The following GDA variants were observed in gnomAD, a reference collection of about 807,000 sequenced individuals.
GDA encodes the protein guanine deaminase, also known as cytoplasmic PSD-95 interactor.
GDA carries 18 observed loss-of-function variants against 59.6 expected under a neutral mutation model. The observed-to-expected ratio is 0.30, with a 90% CI of 0.21 to 0.45. The LOEUF (loss-of-function observed/expected upper bound fraction) is 0.45, where lower values mean the gene tolerates loss of function less well. Among genes scored for constraint, GDA ranks in the 20% least tolerant of loss-of-function variants. The pLI, the probability that GDA is intolerant of heterozygous loss-of-function variation, is 1.00. For missense variants in GDA, 427 were observed against 552.3 expected, an observed-to-expected ratio of 0.77 and a Z score of 2.27; for synonymous variants, 201 against 201.1, an observed-to-expected ratio of 1.00 and a Z score of 0.00.
intron 1 of GDA, among the ~76,000 whole-genome samples, chr9:72,135,045 G>A (rs1826169399): frequency 6.6e-6 from 1 of 152,140 alleles, no homozygotes; most frequent in Admixed American, 6.6e-5. Flanking sequence ...CTATAGATCA[G>A]GGAAGACAAT....
At chr9:72,228,082 G>A in intron 9 of GDA, 42 bp downstream of exon 9, 1 of 1,127,834 alleles carries the variant, frequency 8.9e-7, no homozygotes, top group Non-Finnish European at 1.3e-6. Flanking sequence ...GAATGATTGG[G>A]TTGCAGATTA....
chr9:72,247,284 G>A (rs1840251482), intron 12 of GDA, 122 bp from the exon 13 acceptor site: 4 of 746,572 alleles, frequency 5.4e-6, no homozygotes, highest in Admixed American at 3.7e-5. Flanking sequence ...ATTAATAGAA[G>A]TAGATTTTGC....
At chr9:72,143,198 C>T (rs1479914251) in intron 1 of GDA, among the ~76,000 whole-genome samples, 12 of 138,024 alleles carry the variant, frequency 8.7e-5, no homozygotes, top group East Asian at 4.5e-4. Flanking sequence ...GGCGCGATCT[C>T]GGCTCACTGC....
At chr9:72,233,427 A>G (rs1340923468) in intron 10 of GDA, among the ~76,000 whole-genome samples, 1 of 152,222 alleles carries the variant, frequency 6.6e-6, no homozygotes, top group Non-Finnish European at 1.5e-5. Context: ...CTATGAAAAG[A>G]TTGTGGTAGA....
intron 1 of GDA, among the ~76,000 whole-genome samples, chr9:72,153,359 G>A (rs1827466209): frequency 6.6e-6 from 1 of 152,118 alleles, no homozygotes; most frequent in Admixed American, 6.6e-5. Context: ...GGGAGAAATA[G>A]GAATACTTTT....
At chr9:72,213,769 A>G (rs1168105521) in intron 4 of GDA, 117 bp from the exon 5 acceptor site, 4 of 578,284 alleles carry the variant, frequency 6.9e-6, no homozygotes, top group Non-Finnish European at 1.2e-5. Flanking sequence ...CGCCACTGCA[A>G]TCTGGCCTGG....
chr9:72,255,361 G>A (rs976606368), downstream of GDA, among the ~76,000 whole-genome samples: 1 of 152,162 alleles, frequency 6.6e-6, no homozygotes, highest in East Asian at 1.9e-4. Flanking sequence ...TGAGCAATGA[G>A]GGCATCTATG....
At chr9:72,213,722 G>T (rs1835705363) in intron 4 of GDA, among the ~76,000 whole-genome samples, 164 bp from the exon 5 acceptor site, 1 of 151,100 alleles carries the variant, frequency 6.6e-6, no homozygotes, top group South Asian at 2.1e-4. Context: ...AGAATGGCAT[G>T]AACCTGGGAG....
chr9:72,245,559 G>A (rs1840052178), intron 12 of GDA, among the ~76,000 whole-genome samples: 1 of 152,180 alleles, frequency 6.6e-6, no homozygotes, highest in Admixed American at 6.5e-5. Context: ...CTTGCTATGT[G>A]CTGGGTAGGC....
chr9:72,208,940 GTTTTCTA>G (rs1835040337), intron 3 of GDA, among the ~76,000 whole-genome samples: 1 of 151,826 alleles, frequency 6.6e-6, no homozygotes, highest in South Asian at 2.1e-4. Flanking sequence ...ATAATAGAGC[GTTTTCTA>G]TTTTCTAAGT....
chr9:72,149,311 A>G, upstream of GDA: 1 of 524,056 alleles, frequency 1.9e-6, no homozygotes, highest in Non-Finnish European at 3.4e-6. Flanking sequence ...GGGTGGAGAG[A>G]AAGACCACAC....
chr9:72,162,631 G>C (rs1490235433), intron 1 of GDA, among the ~76,000 whole-genome samples: 1 of 151,786 alleles, frequency 6.6e-6, no homozygotes, highest in Non-Finnish European at 1.5e-5. Context: ...CCTACGAAGG[G>C]TGTCAGAGGA....
intron 2 of GDA, chr9:72,197,617 T>C (rs1197975640): frequency 1.3e-5 from 2 of 152,078 alleles, no homozygotes; most frequent in Non-Finnish European, 2.9e-5. Context: ...ATTAAATCCA[T>C]CAGAAATGCA....
upstream of GDA, among the ~76,000 whole-genome samples, chr9:72,148,902 C>T (rs1395335350): frequency 6.6e-6 from 1 of 152,102 alleles, no homozygotes; most frequent in Non-Finnish European, 1.5e-5. Flanking sequence ...GAATTGTTTG[C>T]GGACAAACAC....
intron 1 of GDA, among the ~76,000 whole-genome samples, chr9:72,121,730 C>T (rs984948078): frequency 1.3e-5 from 2 of 152,172 alleles, no homozygotes; most frequent in African/African-American, 2.4e-5. Context: ...GACTTGTATA[C>T]ACTTGCTATC....
intron 1 of GDA, among the ~76,000 whole-genome samples, chr9:72,125,347 C>CCT (rs1157853095): frequency 3.8e-5 from 5 of 132,200 alleles, no homozygotes; most frequent in East Asian, 2.7e-4. Context: ...TCCCTTCCTT[C>CCT]CTCTCTCTCT....
chr9:72,150,798 G>A (rs886682959), intron 1 of GDA, among the ~76,000 whole-genome samples: 3 of 152,108 alleles, frequency 2.0e-5, no homozygotes, highest in Admixed American at 1.3e-4. Flanking sequence ...TTCTATGCAC[G>A]TTCAGGGAGC....
chr9:72,258,985 G>A (rs1323170872), downstream of GDA, among the ~76,000 whole-genome samples: 3 of 151,968 alleles, frequency 2.0e-5, no homozygotes, highest in East Asian at 5.8e-4. Flanking sequence ...GCTGCAATCA[G>A]CATTTTCCAC....
At chr9:72,152,408 G>A (rs1362808232) in intron 1 of GDA, among the ~76,000 whole-genome samples, 1 of 152,130 alleles carries the variant, frequency 6.6e-6, no homozygotes, top group African/African-American at 2.4e-5. Context: ...TTGGTATAAA[G>A]CAAAATACAG....
Sources: allele counts gnomAD v4.1 joint callset (sites outside exome capture counted in the v4.1 genomes callset), GRCh38; gene constraint gnomAD v4.1.1; transcripts MANE v1.5; gene names NCBI Gene and HGNC (gene_info 2026-07-23, HGNC 2026-07-21).